Variants in CHST11 observed in about 807,000 individuals in gnomAD.
CHST11 encodes carbohydrate sulfotransferase 11, also known as C4S-1.
A neutral mutation model predicts 30.4 loss-of-function variants in CHST11; 9 were observed. The observed-to-expected ratio is 0.30, with a 90% CI of 0.18 to 0.52. CHST11 has a LOEUF of 0.52. Ranked by LOEUF, CHST11 falls within the 20% of genes least tolerant of loss-of-function variation. The probability of loss-of-function intolerance (pLI) is 0.97; values close to 1 mark genes in which losing one functional copy is unlikely to be tolerated. For synonymous variants in CHST11, 152 were observed against 187.8 expected (o/e 0.81, Z 1.56); for missense variants, 348 against 460.6 (o/e 0.76, Z 2.24).
intron 1 of CHST11, among the ~76,000 whole-genome samples, chr12:104,495,399 CTT>C (rs1365814461): frequency 6.6e-6 from 1 of 152,198 alleles, no homozygotes; most frequent in Non-Finnish European, 1.5e-5. Flanking sequence ...CCACCACACT[CTT>C]TTCCACAGTG....
chr12:104,626,532 T>C (rs1418072093), intron 2 of CHST11, among the ~76,000 whole-genome samples: 1 of 151,188 alleles, frequency 6.6e-6, no homozygotes, highest in Non-Finnish European at 1.5e-5. Flanking sequence ...GTTCTGTACA[T>C]TTGTTTTTCT....
At chr12:104,566,679 A>G (rs1014357696) in intron 1 of CHST11, among the ~76,000 whole-genome samples, 7 of 152,264 alleles carry the variant, frequency 4.6e-5, no homozygotes, top group East Asian at 3.9e-4. Context: ...TTATAACTCA[A>G]TGCTCAGAAT....
chr12:104,530,599 G>A (rs1202392926), intron 1 of CHST11, among the ~76,000 whole-genome samples: 1 of 152,206 alleles, frequency 6.6e-6, no homozygotes, highest in African/African-American at 2.4e-5. Context: ...AAAGGTGACG[G>A]AAGGAAGAAA....
chr12:104,630,594 G>A (rs1014549135), intron 2 of CHST11, among the ~76,000 whole-genome samples: 2 of 152,184 alleles, frequency 1.3e-5, no homozygotes, highest in South Asian at 2.1e-4. Context: ...TGGCCTTCCC[G>A]AAAGGGAAAC....
chr12:104,645,226 C>T (rs184569510), intron 2 of CHST11, among the ~76,000 whole-genome samples: 155 of 152,290 alleles, frequency 1.0e-3, no homozygotes, highest in Admixed American at 2.9e-3. Flanking sequence ...GGATTACAGG[C>T]GTGAGCCACC....
chr12:104,580,960 T>G (rs1479283200), intron 1 of CHST11, among the ~76,000 whole-genome samples: 3 of 152,212 alleles, frequency 2.0e-5, no homozygotes, highest in African/African-American at 7.2e-5. Flanking sequence ...GAAAAGCAAG[T>G]GAAGCCTTGA....
intron 2 of CHST11, among the ~76,000 whole-genome samples, chr12:104,643,492 G>A (rs2039397528): frequency 6.6e-6 from 1 of 152,154 alleles, no homozygotes; most frequent in African/African-American, 2.4e-5. Flanking sequence ...ACCATGGTAG[G>A]GGCAGTGTGC....
chr12:104,515,763 A>T (rs1396800038), intron 1 of CHST11, among the ~76,000 whole-genome samples: 1 of 152,170 alleles, frequency 6.6e-6, no homozygotes. Context: ...TGAGAAGGCC[A>T]TAGGTGATGT....
chr12:104,528,765 A>G (rs2038152639), intron 1 of CHST11, among the ~76,000 whole-genome samples: 1 of 152,036 alleles, frequency 6.6e-6, no homozygotes, highest in African/African-American at 2.4e-5. Flanking sequence ...TCATTTTAAA[A>G]CCCTGGGAAA....
At chr12:104,546,076 C>T (rs763127873) in intron 1 of CHST11, among the ~76,000 whole-genome samples, 3 of 152,160 alleles carry the variant, frequency 2.0e-5, no homozygotes, top group African/African-American at 4.8e-5. Flanking sequence ...TTTCGACACA[C>T]GCATTCAGTC....
intron 1 of CHST11, among the ~76,000 whole-genome samples, chr12:104,542,173 G>A (rs1317047307): frequency 6.6e-6 from 1 of 152,170 alleles, no homozygotes; most frequent in African/African-American, 2.4e-5. Context: ...ATCCAATTTA[G>A]CCACTGTGGG....
chr12:104,738,875 C>T (rs1241660023), intron 2 of CHST11, among the ~76,000 whole-genome samples: 1 of 152,230 alleles, frequency 6.6e-6, no homozygotes, highest in Non-Finnish European at 1.5e-5. Context: ...AAACTGGGCT[C>T]CCCCAGCGCC....
intron 1 of CHST11, among the ~76,000 whole-genome samples, chr12:104,460,199 C>A (rs1271112232): frequency 1.3e-5 from 2 of 152,086 alleles, no homozygotes; most frequent in Admixed American, 1.3e-4. Context: ...TCCAGATCAC[C>A]CTGGGAGAGG....
At chr12:104,648,290 T>A (rs1388994786) in intron 2 of CHST11, among the ~76,000 whole-genome samples, 3 of 152,188 alleles carry the variant, frequency 2.0e-5, no homozygotes, top group Non-Finnish European at 2.9e-5. Flanking sequence ...AAGTGCCTGA[T>A]CTACATTTGA....
At chr12:104,706,460 A>T (rs778164932) in intron 2 of CHST11, among the ~76,000 whole-genome samples, 4 of 148,640 alleles carry the variant, frequency 2.7e-5, no homozygotes, top group Non-Finnish European at 5.9e-5. Context: ...GTGGATGGAG[A>T]GGGAGAGAGA....
intron 2 of CHST11, among the ~76,000 whole-genome samples, chr12:104,716,443 T>C (rs142956762): frequency 6.6e-6 from 1 of 152,226 alleles, no homozygotes; most frequent in Non-Finnish European, 1.5e-5. Context: ...CTCATGAGTA[T>C]TGTGAGAAGT....
chr12:104,529,580 A>G (rs140134103), intron 1 of CHST11, among the ~76,000 whole-genome samples: 2 of 152,326 alleles, frequency 1.3e-5, no homozygotes, highest in East Asian at 3.9e-4. Flanking sequence ...AGGTTCCACA[A>G]TGATCAGAGA....
At position 104,757,922 on chromosome 12, in the gene CHST11, A is replaced by C; in HGVS notation, c.*119A>C. On this transcript the variant is annotated 3_prime_UTR_variant, in exon 3 of 3. Coordinates refer to ENST00000303694, the MANE Select transcript of CHST11 (RefSeq NM_018413.6). The surrounding 1 kb of genome is among the most constrained non-coding windows in gnomAD (Gnocchi z 6.5). ...ATATTTCTTTGGGGATGATGCTGCG[A>C]GCAGCATAGTGAGAATTATTTAAAA... The C allele has an allele frequency of 5.6e-6, 6 of 1,065,708 alleles. No homozygotes were observed. The highest frequency in any genetic ancestry group is 8.0e-6 in the Non-Finnish European group (6 of 753,092). 66.0% of individuals were successfully genotyped at this position (1,065,708 alleles called of 1,614,324 possible). A position where few individuals can be genotyped will look rare whatever the true frequency, so the allele number is the denominator to read the frequency against.
intron 2 of CHST11, among the ~76,000 whole-genome samples, chr12:104,691,710 G>T (rs896277916): frequency 2.0e-5 from 3 of 152,010 alleles, no homozygotes; most frequent in Admixed American, 1.3e-4. Flanking sequence ...GGATGGTCTC[G>T]ATCATCTGAC....
Sources: gnomAD v4.1 joint callset for allele counts (sites outside exome capture counted in the v4.1 genomes callset) on GRCh38, gnomAD v4.1.1 for gene constraint, Gnocchi (gnomAD v3.1) non-coding constraint, MANE v1.5 for transcripts, NCBI Gene and HGNC (gene_info 2026-07-23, HGNC 2026-07-21) for gene names.